The following ADGRA3 variants were observed in gnomAD, a reference collection of about 807,000 sequenced individuals.
ADGRA3 encodes the protein adhesion G protein-coupled receptor A3, also known as G-protein coupled receptor 125.
In ADGRA3, 56 loss-of-function variants were observed where a neutral mutation model predicts 119.8. The observed-to-expected ratio is 0.47, with a 90% confidence interval of 0.38 to 0.58. The LOEUF (loss-of-function observed/expected upper bound fraction) is 0.58. Ranked by LOEUF, ADGRA3 falls within the 20% of genes least tolerant of loss-of-function variation. ADGRA3 has a pLI of 0.00. For synonymous variants in ADGRA3, 607 were observed against 623.8 expected (o/e 0.97, Z 0.40); for missense variants, 1,516 against 1,649.0 (o/e 0.92, Z 1.40).
Position 22,388,683 on chromosome 4 carries a change from G to C in ADGRA3, c.2988C>G (p.Leu996=), listed in dbSNP as rs759401316. 6.2e-7 allele frequency: 1 copy of C among 1,614,036 alleles called. No individual in the cohort carries two copies. Among genetic ancestry groups the C allele is most frequent in the South Asian group, 1.1e-5 (1 of 91,084 alleles). ...LENEHTFHSQ[L]LGASLTLLLY... ...AGAGCAAAGTAAGGCTGGCCCCCAA[G>C]AGCTGAGAATGAAAAGTGTGCTCAT... Residue 996 remains leucine, a synonymous_variant, in exon 19 of 19, where the codon CTC becomes CTG. Transcript: ENST00000334304.
At chr4:22,473,920 A>C in intron 1 of ADGRA3, 77 bp from the exon 2 acceptor site, 1 of 831,882 alleles carries the variant, frequency 1.2e-6, no homozygotes, top group Non-Finnish European at 1.9e-6. Flanking sequence ...ATTATGTTTA[A>C]ACCTATGAGA....
Position 22,504,239 on chromosome 4 carries a change from G to GAA in ADGRA3, c.257+11287_257+11288dup, listed in dbSNP as rs150776262. Among the ~76,000 whole-genome samples the GAA allele has an allele frequency of 4.0e-5, 6 of 149,516 alleles. No homozygotes were observed. The East Asian group carries it at 7.8e-4, about 20-fold the overall frequency. The stretch of plus-strand genomic sequence containing the variant: ...ACTTCAGAAGGCAAAATAGGGGAAA[G>GAA]AAAAAAAAAGACAAAAAATGTAAGT... On this transcript the variant is annotated intron_variant, in intron 1 of 18. Coordinates refer to ENST00000334304, the MANE Select transcript of ADGRA3 (RefSeq NM_145290.4).
chr4:22,401,120 CT>C (rs1435441758), intron 16 of ADGRA3, among the ~76,000 whole-genome samples: 2 of 152,116 alleles, frequency 1.3e-5, no homozygotes, highest in African/African-American at 4.8e-5. Flanking sequence ...GAAAATGTCA[CT>C]TCTCTTTCAG....
At chr4:22,438,056 A>G (rs2109064911) in intron 8 of ADGRA3, among the ~76,000 whole-genome samples, 200 bp downstream of exon 8, 1 of 152,334 alleles carries the variant, frequency 6.6e-6, no homozygotes, top group East Asian at 1.9e-4. Flanking sequence ...TTCTTCAATC[A>G]ACAGGTCTGA....
chr4:22,504,854 G>GA, intron 1 of ADGRA3, among the ~76,000 whole-genome samples: 1 of 152,110 alleles, frequency 6.6e-6, no homozygotes. Flanking sequence ...ACGAGGCTCC[G>GA]AAAAATACCA....
chr4:22,489,500 AT>A (rs1472933196), intron 1 of ADGRA3, among the ~76,000 whole-genome samples: 1 of 152,230 alleles, frequency 6.6e-6, no homozygotes, highest in Non-Finnish European at 1.5e-5. Context: ...AACATAATGT[AT>A]AAATATAAAT....
At position 22,424,251 on chromosome 4, in the gene ADGRA3, C is replaced by A; in HGVS notation, c.1545G>T (p.Val515=). ...AGGTAGCAATGCGCTGAAGACACTG[C>A]ACAATCCTACTGCAGGCTTTAGCTT... is the stretch of plus-strand genomic sequence containing the variant. ...QREAKACSRI[V]QCLQRIATYR... is the part of the protein sequence containing the mutation. Residue 515 remains valine (V), a synonymous_variant, in exon 11 of 19, where the codon GTG becomes GTT. Coordinates refer to ENST00000334304, the MANE Select transcript of ADGRA3 (RefSeq NM_145290.4). 2.5e-6 allele frequency: 4 copies of A among 1,613,608 alleles called. No homozygotes were observed. Among genetic ancestry groups the A allele is most frequent in the Non-Finnish European group, 3.4e-6 (4 of 1,179,896 alleles).
In ADGRA3 at chr4:22,388,928, G is replaced by T; in HGVS notation, c.2743C>A (p.Pro915Thr). The change falls in exon 19 of 19, where the codon CCC becomes ACC. Residue 915 changes from proline (P) to threonine (T), a missense_variant. Around this residue, in one of 2 missense-constraint regions of ADGRA3, gnomAD observed 1,088 missense variants for 1,107.1 expected, o/e 0.98. Coordinates refer to ENST00000334304, the MANE Select transcript of ADGRA3 (RefSeq NM_145290.4). ...GGCCCATAGAAGGCTCCCAAGGAGG[G>T]TTCCCATGCCATCCAGCAACTGGAA... The part of the protein sequence containing the change: ...NAPYCWMAWE[P>T]SLGAFYGPAS... The T allele has an allele frequency of 6.2e-7, 1 of 1,613,050 alleles. No homozygotes were observed. The highest frequency in any genetic ancestry group is 8.5e-7 in the Non-Finnish European group (1 of 1,179,398).
intron 12 of ADGRA3, chr4:22,414,699 A>G (rs1485799249): frequency 1.5e-5 from 10 of 646,258 alleles, no homozygotes; most frequent in Non-Finnish European, 2.5e-5. Flanking sequence ...AGTTCACCAT[A>G]TAATTTGATG....
At chr4:22,443,192 A>G (rs914444107) in intron 6 of ADGRA3, 18 of 609,188 alleles carry the variant, frequency 3.0e-5, no homozygotes, top group African/African-American at 2.1e-4. Context: ...GTAAATGTTG[A>G]TATTTACAAC....
chr4:22,468,460 T>C lies in ADGRA3; in HGVS notation c.329+5312A>G, dbSNP rs571712509. ...ATATAGCACAATACAAGAATGTCAA[T>C]TCCATAAAACGAAGACAGAGATGGG... is the stretch of plus-strand genomic sequence containing the variant. On this transcript the variant is annotated intron_variant, in intron 2 of 18. Coordinates refer to ENST00000334304, the MANE Select transcript of ADGRA3 (RefSeq NM_145290.4). Among the ~76,000 whole-genome samples the C allele has an allele frequency of 2.0e-4, 30 of 152,164 alleles. 1 individual carries two copies. The South Asian group carries it at 5.4e-3, about 27-fold the overall frequency.
At chr4:22,473,537 G>A (rs181986492) in intron 2 of ADGRA3, among the ~76,000 whole-genome samples, 164 of 152,308 alleles carry the variant, frequency 1.1e-3, no homozygotes, top group African/African-American at 3.5e-3. Context: ...AACGGCAGAG[G>A]TGAGTCACTT....
chr4:22,495,192 T>C (rs946929385), intron 1 of ADGRA3, among the ~76,000 whole-genome samples: 4 of 152,012 alleles, frequency 2.6e-5, no homozygotes, highest in African/African-American at 9.7e-5. Flanking sequence ...ACAGCATGGA[T>C]ACCTTGGACA....
At chr4:22,402,865 T>C (rs1714729490) in intron 14 of ADGRA3, 66 bp from the exon 15 acceptor site, 2 of 1,507,764 alleles carry the variant, frequency 1.3e-6, no homozygotes, top group South Asian at 1.3e-5. Context: ...TGAGATTTTT[T>C]TGAGTGACGA....
intron 2 of ADGRA3, among the ~76,000 whole-genome samples, chr4:22,466,507 ACC>A (rs1717663998): frequency 6.6e-6 from 1 of 152,112 alleles, no homozygotes; most frequent in Admixed American, 6.5e-5. Flanking sequence ...CAGGTGGATC[ACC>A]TGAGATCAGG....
At chr4:22,424,047 T>C (rs980470889) in intron 11 of ADGRA3, 144 bp downstream of exon 11, 6 of 518,044 alleles carry the variant, frequency 1.2e-5, no homozygotes, top group East Asian at 6.7e-5. Flanking sequence ...TTATAACTTA[T>C]AAAATGTTAA....
chr4:22,427,962 C>T (rs1447291160), intron 10 of ADGRA3, among the ~76,000 whole-genome samples: 1 of 152,150 alleles, frequency 6.6e-6, no homozygotes, highest in East Asian at 1.9e-4. Context: ...GAAACAAATG[C>T]ACCACATTAA....
intron 14 of ADGRA3, among the ~76,000 whole-genome samples, chr4:22,406,315 T>A (rs974781219): frequency 1.3e-5 from 2 of 152,158 alleles, no homozygotes; most frequent in South Asian, 2.1e-4. Context: ...ATATACTGAT[T>A]TCCTTTCTTC....
chr4:22,448,227 G>C (rs960868292), intron 4 of ADGRA3, among the ~76,000 whole-genome samples: 1 of 152,118 alleles, frequency 6.6e-6, no homozygotes, highest in African/African-American at 2.4e-5. Flanking sequence ...GGGGGAGGAC[G>C]GCCTGTGTGT....
Sources: allele counts gnomAD v4.1 joint callset (sites outside exome capture counted in the v4.1 genomes callset), GRCh38; gene constraint gnomAD v4.1.1; regional missense constraint gnomAD v4.1.1; transcripts MANE v1.5; gene names NCBI Gene and HGNC (gene_info 2026-07-23, HGNC 2026-07-21).